INTS6: variants seen among roughly 807,000 people sequenced by gnomAD.
INTS6 encodes the protein integrator complex subunit 6, also known as DEAD box protein.
Under a neutral mutation model 104.9 loss-of-function variants are expected in INTS6, and 16 were observed. The observed-to-expected ratio is 0.15, with a 90% CI of 0.10 to 0.23. INTS6 has a LOEUF of 0.23. Among genes scored for constraint, INTS6 ranks in the 10% least tolerant of loss-of-function variants. The probability of loss-of-function intolerance (pLI) is 1.00; values close to 1 mark genes in which losing one functional copy is unlikely to be tolerated. For missense variants in INTS6, 584 were observed against 1,062.8 expected, an observed-to-expected ratio of 0.55 and a Z score of 6.26; for synonymous variants, 324 against 358.7, an observed-to-expected ratio of 0.90 and a Z score of 1.09.
chr13:51,422,906 G>A lies in INTS6; in HGVS notation c.429+7388C>T, dbSNP rs1034124777. The stretch of plus-strand genomic sequence containing the variant: ...GCATACTGTTTTCTCTTCCTGATAT[G>A]TCATGGCTCAATTCCTTACTCTTCC... On this transcript the variant is annotated intron_variant, in intron 4 of 17. Transcript: ENST00000311234. 3 of 364,480 alleles carry A rather than the reference G, an allele frequency of 8.2e-6. No homozygotes were observed. In the Admixed American group the frequency reaches 1.3e-4, roughly 16 times the overall value. The allele number at this position is 364,480 out of a possible 1,614,324, so 22.6% of individuals were successfully genotyped here. A position where few individuals can be genotyped will look rare whatever the true frequency, so the allele number is the denominator to read the frequency against.
rs568874586 is a variant in INTS6 at position 51,422,294 on chromosome 13, A to G, written c.429+8000T>C. On this transcript the variant is annotated intron_variant, in intron 4 of 17. Transcript: ENST00000311234. ...GTTGGAAAGTGGAAAATAATACTAA[A>G]CCAGTATATTTTTACTTATTTGAGA... Among the ~76,000 whole-genome samples, 20 of 152,224 alleles carry G rather than the reference A, an allele frequency of 1.3e-4. No homozygotes were observed. The South Asian group carries it at 4.1e-3, about 32-fold the overall frequency.
the INTS6 span, among the ~76,000 whole-genome samples, chr13:51,347,840 CAT>C: frequency 6.6e-6 from 1 of 151,980 alleles, no homozygotes; most frequent in Non-Finnish European, 1.5e-5. Flanking sequence ...ATCGAGAAAA[CAT>C]AGTATATGCA....
At chr13:51,354,964 AT>A in intron 3 of INTS6, 1 of 701,850 alleles carries the variant, frequency 1.4e-6, no homozygotes, top group Non-Finnish European at 2.5e-6. Context: ...CAAGTTAGGG[AT>A]TTTGGACTTC....
chr13:51,422,186 T>C (rs1285145910), intron 4 of INTS6, among the ~76,000 whole-genome samples: 1 of 152,166 alleles, frequency 6.6e-6, no homozygotes, highest in East Asian at 1.9e-4. Context: ...TGTCTGTCAA[T>C]TACTTTACCT....
chr13:51,348,407 C>A, the INTS6 span: 1 of 1,612,772 alleles, frequency 6.2e-7, no homozygotes. Flanking sequence ...TGTGTTCCTG[C>A]CCAGGTGAGC....
the INTS6 span, among the ~76,000 whole-genome samples, chr13:51,344,640 G>A: frequency 7.9e-5 from 12 of 152,114 alleles, no homozygotes; most frequent in African/African-American, 4.8e-5. Context: ...ATGACAAGGG[G>A]ACACTAAGTC....
chr13:51,451,384 G>A (rs1182630137), intron 2 of INTS6: 1 of 360,376 alleles, frequency 2.8e-6, no homozygotes, highest in Non-Finnish European at 4.9e-6. Context: ...GTAGTTAACT[G>A]CCTTAATACT....
In INTS6 at chr13:51,362,338, T is replaced by C. The variant is rs186014183; in HGVS notation, c.*3414A>G. The C allele has an allele frequency of 8.7e-5, 17 of 195,874 alleles. No homozygotes were observed. Among genetic ancestry groups the C allele is most frequent in the African/African-American group, 4.0e-4 (17 of 42,450 alleles). The allele number at this position is 195,874 out of a possible 1,614,324, so 12.1% of individuals were successfully genotyped here. ...TCTAATGAATGCACCTGGATTTCTA[T>C]ACTGTTCTGTTGATCTTTCTCAAAA... On this transcript the variant is annotated 3_prime_UTR_variant, in exon 18 of 18. Transcript: ENST00000311234.
chr13:51,402,384 C>A (rs568623844), intron 4 of INTS6: 7 of 152,144 alleles, frequency 4.6e-5, no homozygotes, highest in African/African-American at 1.4e-4. Context: ...GGAGGGAGGA[C>A]TGCAATTTTA....
intron 6 of INTS6, among the ~76,000 whole-genome samples, chr13:51,387,817 A>G (rs988032518): frequency 6.6e-6 from 1 of 152,164 alleles, no homozygotes; most frequent in Non-Finnish European, 1.5e-5. Context: ...CACACAAAAC[A>G]TACTTTACGG....
chr13:51,415,118 T>C (rs1161172915), intron 4 of INTS6, among the ~76,000 whole-genome samples: 1 of 151,688 alleles, frequency 6.6e-6, no homozygotes, highest in Non-Finnish European at 1.5e-5. Flanking sequence ...CTGACAAGTA[T>C]GAGAGTTTTT....
intron 14 of INTS6, 31 bp downstream of exon 14, chr13:51,374,623 C>A: frequency 6.2e-7 from 1 of 1,609,440 alleles, no homozygotes; most frequent in Non-Finnish European, 8.5e-7. Context: ...CTACCATAAA[C>A]AAATTACATA....
chr13:51,376,487 A>G (rs1321310805), intron 12 of INTS6, among the ~76,000 whole-genome samples: 1 of 152,156 alleles, frequency 6.6e-6, no homozygotes, highest in African/African-American at 2.4e-5. Context: ...GAAGTTTTTT[A>G]AAAAACAGCT....
chr13:51,433,712 A>C (rs1957138136), intron 3 of INTS6, among the ~76,000 whole-genome samples: 1 of 152,244 alleles, frequency 6.6e-6, no homozygotes, highest in Non-Finnish European at 1.5e-5. Context: ...AATTAAGCTA[A>C]ATTCAAACAC....
At chr13:51,450,686 C>T in intron 3 of INTS6, 1 of 1,000,948 alleles carries the variant, frequency 1.0e-6, no homozygotes, top group Non-Finnish European at 1.2e-6. Flanking sequence ...CTCTAAGCCA[C>T]TATAATAGTT....
intron 7 of INTS6, among the ~76,000 whole-genome samples, chr13:51,386,582 A>T (rs903960541): frequency 6.6e-6 from 1 of 152,174 alleles, no homozygotes. Flanking sequence ...AATAAAAATT[A>T]TCCTGAAAAG....
At chr13:51,354,011 A>G (rs1212627162), downstream of INTS6, 2 of 152,212 alleles carry the variant, frequency 1.3e-5, no homozygotes, top group African/African-American at 2.4e-5. Context: ...TTTACTAGGA[A>G]AACCAAGGCT....
chr13:51,430,347 T>C lies in INTS6; in HGVS notation c.376A>G (p.Ile126Val). 6.2e-7 allele frequency: 1 copy of C among 1,613,084 alleles called. No homozygotes were observed. The highest frequency in any genetic ancestry group is 8.5e-7 in the Non-Finnish European group (1 of 1,179,656). The change falls in exon 4 of 18, where the codon ATC becomes GTC. Residue 126 changes from isoleucine to valine, a missense_variant. Transcript: ENST00000311234. ...NPFFLEPAIIITITDGSKLTT... is the reference protein window; with the variant it reads ...NPFFLEPAIIVTITDGSKLTT... ...AACTTGCTCCCATCAGTAATTGTGA[T>C]AATTATTGCTGGCTCCAAGAAAAAA...
intron 4 of INTS6, among the ~76,000 whole-genome samples, chr13:51,408,293 G>A (rs1361408103): frequency 4.6e-5 from 7 of 151,688 alleles, no homozygotes; most frequent in African/African-American, 7.3e-5. Flanking sequence ...ACAGGCGCCT[G>A]CCACCATGCC....
Sources: allele counts gnomAD v4.1 joint callset (sites outside exome capture counted in the v4.1 genomes callset), GRCh38; gene constraint gnomAD v4.1.1; transcripts MANE v1.5; gene names NCBI Gene and HGNC (gene_info 2026-07-23, HGNC 2026-07-21).